The following ACOT12 variants were observed in gnomAD, a reference collection of about 807,000 sequenced individuals.
The protein encoded by ACOT12 is acetyl-coenzyme A thioesterase.
ACOT12 carries 51 observed loss-of-function variants against 67.7 expected under a neutral mutation model. The observed-to-expected ratio is 0.75, with a 90% CI of 0.60 to 0.95. The LOEUF (loss-of-function observed/expected upper bound fraction) is 0.95. Among genes scored for constraint, ACOT12 ranks in the 40% least tolerant of loss-of-function variants. The pLI, the probability that ACOT12 is intolerant of heterozygous loss-of-function variation, is 0.00. For synonymous variants in ACOT12, 251 were observed against 244.6 expected (o/e 1.03, Z -0.24); for missense variants, 734 against 708.1 (o/e 1.04, Z -0.41).
chr5:81,344,974 T>C lies in ACOT12; in HGVS notation c.841A>G (p.Ile281Val), dbSNP rs754214348. The part of the protein sequence containing the change: ...QEWAEGRGRH[I>V]NSAFLIYNAA... ...TTGTAAATGAGAAAAGCACTGTTGATGTGACGCCCTCGGCCCTCGGCCCAT... is the reference window on the plus strand; with the variant it reads ...TTGTAAATGAGAAAAGCACTGTTGACGTGACGCCCTCGGCCCTCGGCCCAT... Residue 281 changes from isoleucine to valine, a missense_variant, in exon 8 of 15, where the codon ATC becomes GTC. Ile to Val is a conservative substitution (Grantham distance 29). Coordinates refer to ENST00000307624, the MANE Select transcript of ACOT12 (RefSeq NM_130767.3). 48 of 1,614,106 alleles carry C rather than the reference T, an allele frequency of 3.0e-5. No homozygotes were observed. The highest frequency in any genetic ancestry group is 2.1e-5 in the Non-Finnish European group (25 of 1,180,036).
the ACOT12 span, among the ~76,000 whole-genome samples, chr5:81,316,002 A>G: frequency 1.3e-5 from 2 of 152,228 alleles, no homozygotes; most frequent in Admixed American, 6.5e-5. Flanking sequence ...GTTCACTGAT[A>G]TACCCCAAAT....
chr5:81,375,680 G>C (rs1392455203), intron 2 of ACOT12, among the ~76,000 whole-genome samples: 1 of 151,836 alleles, frequency 6.6e-6, no homozygotes, highest in Non-Finnish European at 1.5e-5. Flanking sequence ...AAAAAAGCAG[G>C]GGTTGCATCC....
At chr5:81,311,362 A>G in the ACOT12 span, 65 of 1,358,982 alleles carry the variant, frequency 4.8e-5, no homozygotes, top group East Asian at 1.2e-3. Flanking sequence ...TAATAACTCA[A>G]TTGGGATACT....
intron 5 of ACOT12, among the ~76,000 whole-genome samples, chr5:81,352,115 G>A (rs1181248607): frequency 6.6e-6 from 1 of 152,182 alleles, no homozygotes; most frequent in African/African-American, 2.4e-5. Context: ...ACCAGTGCTG[G>A]TAAGGATGTG....
At chr5:81,371,586 T>C (rs1453188252) in intron 3 of ACOT12, among the ~76,000 whole-genome samples, 164 bp downstream of exon 3, 2 of 152,274 alleles carry the variant, frequency 1.3e-5, no homozygotes, top group South Asian at 2.1e-4. Flanking sequence ...AGTGGAAACA[T>C]CTGCTGCTTA....
chr5:81,360,233 G>A (rs370104347), intron 4 of ACOT12, among the ~76,000 whole-genome samples, 195 bp from the exon 5 acceptor site: 73 of 152,204 alleles, frequency 4.8e-4, no homozygotes, highest in African/African-American at 1.4e-3. Context: ...CAACATAGGC[G>A]TAATTATTTC....
intron 3 of ACOT12, among the ~76,000 whole-genome samples, chr5:81,368,680 T>C (rs1013154868): frequency 6.6e-6 from 1 of 151,952 alleles, no homozygotes; most frequent in East Asian, 1.9e-4. Flanking sequence ...AATTTTACGA[T>C]CTTAAATGCT....
At chr5:81,383,779 A>C (rs1005950691) in intron 2 of ACOT12, among the ~76,000 whole-genome samples, 1 of 152,110 alleles carries the variant, frequency 6.6e-6, no homozygotes, top group Non-Finnish European at 1.5e-5. Flanking sequence ...AATAGCTTAT[A>C]GAATAAGGTA....
chr5:81,386,891 A>G (rs1760737444), intron 1 of ACOT12, among the ~76,000 whole-genome samples: 1 of 152,142 alleles, frequency 6.6e-6, no homozygotes, highest in Admixed American at 6.5e-5. Flanking sequence ...GGAAAATGGA[A>G]GAATCGGACT....
chr5:81,335,275 C>T (rs187705153), intron 12 of ACOT12, among the ~76,000 whole-genome samples: 14 of 152,284 alleles, frequency 9.2e-5, no homozygotes, highest in African/African-American at 2.4e-4. Context: ...GTGTGTAAAG[C>T]AGGTCAACTC....
intron 2 of ACOT12, among the ~76,000 whole-genome samples, chr5:81,384,325 T>C (rs1021232718): frequency 5.9e-5 from 9 of 151,782 alleles, no homozygotes; most frequent in African/African-American, 1.7e-4. Context: ...TAGTACAAAA[T>C]AGACGGGGTT....
intron 2 of ACOT12, 146 bp from the exon 3 acceptor site, chr5:81,371,956 T>A: frequency 1.4e-6 from 1 of 692,752 alleles, no homozygotes. Flanking sequence ...AGGTTAATGA[T>A]AATGGAAAAA....
At chr5:81,320,856 AAAC>A in the ACOT12 span, among the ~76,000 whole-genome samples, 2 of 152,338 alleles carry the variant, frequency 1.3e-5, no homozygotes, top group Admixed American at 6.5e-5. Context: ...GATGGCTTAT[AAAC>A]AACAGAAATT....
At chr5:81,358,015 AAAAAAAAAAAAAAAAG>A (rs1759776304) in intron 5 of ACOT12, among the ~76,000 whole-genome samples, 1 of 151,110 alleles carries the variant, frequency 6.6e-6, no homozygotes, top group South Asian at 2.1e-4. Context: ...CACAAAAAAA[AAAAAAAAAAAAAAAAG>A]AAGAAGAAGA....
chr5:81,350,031 T>C (rs1307103607), intron 5 of ACOT12, among the ~76,000 whole-genome samples: 2 of 152,230 alleles, frequency 1.3e-5, no homozygotes, highest in African/African-American at 2.4e-5. Context: ...ACATGTATAT[T>C]AAGTATTCTT....
chr5:81,383,773 G>A (rs1030337171), intron 2 of ACOT12, among the ~76,000 whole-genome samples: 1 of 151,586 alleles, frequency 6.6e-6, no homozygotes, highest in African/African-American at 2.4e-5. Flanking sequence ...ACAGAAAATA[G>A]CTTATAGAAT....
Position 81,346,101 on chromosome 5 carries a change from T to G in ACOT12, c.654-97A>C, listed in dbSNP as rs113205268. ...GTCTTCAAATAAGCATTTCTTTAAA[T>G]TTGACTGAAATAAATAACTGGATTA... is the stretch of plus-strand genomic sequence containing the variant. On this transcript the variant is annotated intron_variant, in intron 6 of 14. Transcript: ENST00000307624. 2.4e-3 allele frequency: 3,648 copies of G among 1,529,400 alleles called. 71 individuals carry two copies. In the African/African-American group the frequency reaches 0.042, roughly 18 times the overall value. 94.7% of individuals were successfully genotyped at this position (1,529,400 alleles called of 1,614,324 possible). A position where few individuals can be genotyped will look rare whatever the true frequency, so the allele number is the denominator to read the frequency against.
chr5:81,382,523 G>T (rs530525141), intron 2 of ACOT12, among the ~76,000 whole-genome samples: 6 of 152,284 alleles, frequency 3.9e-5, no homozygotes, highest in African/African-American at 1.4e-4. Flanking sequence ...TTGCCCAGGC[G>T]CAGTGGCTCA....
At chr5:81,308,704 G>T in the ACOT12 span, 14 of 1,606,480 alleles carry the variant, frequency 8.7e-6, no homozygotes, top group African/African-American at 1.3e-5. Context: ...AAGTAGACCC[G>T]GCTCTTGGTA....
Sources: allele counts gnomAD v4.1 joint callset (sites outside exome capture counted in the v4.1 genomes callset), GRCh38; gene constraint gnomAD v4.1.1; transcripts MANE v1.5; gene names NCBI Gene and HGNC (gene_info 2026-07-23, HGNC 2026-07-21).